Variants in MORN1 observed in about 807,000 individuals in gnomAD.
MORN1 encodes MORN repeat-containing protein 1.
A neutral mutation model predicts 61.9 loss-of-function variants in MORN1; 67 were observed. The ratio of observed to expected loss-of-function variants is 1.08; its 90% CI spans 0.89 to 1.33. MORN1 has a LOEUF of 1.33. Ranked by LOEUF, MORN1 falls within the 40% of genes most tolerant of loss-of-function variation. The probability of loss-of-function intolerance (pLI) is 0.00; values close to 1 mark genes in which losing one functional copy is unlikely to be tolerated. For synonymous variants in MORN1, 301 were observed against 292.0 expected (o/e 1.03, Z -0.31); for missense variants, 752 against 691.2 (o/e 1.09, Z -0.99).
chr1:2,330,376 G>A (rs1641123571), intron 12 of MORN1, among the ~76,000 whole-genome samples: 1 of 152,208 alleles, frequency 6.6e-6, no homozygotes, highest in Non-Finnish European at 1.5e-5. Context: ...TCACCTCTTT[G>A]TGGCAGACGA....
At chr1:2,388,068 G>A (rs866612582) in intron 3 of MORN1, 171 bp downstream of exon 3, 8 of 575,444 alleles carry the variant, frequency 1.4e-5, no homozygotes, top group South Asian at 4.4e-5. Flanking sequence ...TGCTCTCAGC[G>A]GTGACCACAG....
intron 7 of MORN1, among the ~76,000 whole-genome samples, chr1:2,373,460 A>G (rs1642166324): frequency 1.3e-5 from 2 of 152,008 alleles, no homozygotes; most frequent in Non-Finnish European, 2.9e-5. Context: ...CGTTTTTCCC[A>G]CCTAGAAATT....
chr1:2,353,833 G>T (rs1641702971), intron 10 of MORN1, among the ~76,000 whole-genome samples: 1 of 152,222 alleles, frequency 6.6e-6, no homozygotes. Context: ...CCACATGTTG[G>T]GGGCAGACTT....
At chr1:2,382,971 C>T (rs1196273673) in intron 6 of MORN1, among the ~76,000 whole-genome samples, 1 of 152,150 alleles carries the variant, frequency 6.6e-6, no homozygotes, top group Non-Finnish European at 1.5e-5. Context: ...CACCTCCCGC[C>T]TGACCACCCC....
chr1:2,366,333 G>A (rs1460320286), intron 8 of MORN1, among the ~76,000 whole-genome samples: 8 of 150,982 alleles, frequency 5.3e-5, no homozygotes, highest in Admixed American at 4.0e-4. Flanking sequence ...GTTGTGGGGT[G>A]GGGGGAGGTG....
In MORN1 at chr1:2,321,467, G is replaced by C; in HGVS notation, c.1410C>G (p.Pro470=). ...RVVAKRAGQP[P]HVLEEGPEAS... is the part of the protein sequence containing the mutation. Reference sequence around the variant, plus strand: ...CTTCAGGGCCTTCTTCCAGGACATGGGGTGGCTGGCCAGCCCTCTTCGCTA... The same window carrying C: ...CTTCAGGGCCTTCTTCCAGGACATGCGGTGGCTGGCCAGCCCTCTTCGCTA... Residue 470 remains proline (P), a synonymous_variant, in exon 14 of 14, where the codon CCC becomes CCG. Coordinates refer to ENST00000378531, the MANE Select transcript of MORN1 (RefSeq NM_024848.3). The C allele has an allele frequency of 6.5e-7, 1 of 1,537,558 alleles. No homozygotes were observed. Among genetic ancestry groups the C allele is most frequent in the South Asian group, 1.2e-5 (1 of 82,880 alleles).
At chr1:2,345,880 G>A (rs1003133663) in intron 10 of MORN1, among the ~76,000 whole-genome samples, 5 of 150,894 alleles carry the variant, frequency 3.3e-5, no homozygotes, top group African/African-American at 9.8e-5. Context: ...TCTCTATGAC[G>A]CACACCCCGA....
rs771927794 is a variant in MORN1 at position 2,372,466 on chromosome 1, C to A, written c.745+15G>T. 1.2e-5 allele frequency: 19 copies of A among 1,581,000 alleles called. No homozygotes were observed. The highest frequency in any genetic ancestry group is 4.4e-5 in the South Asian group (4 of 89,978). On this transcript the variant is annotated intron_variant, in intron 8 of 13. Coordinates refer to ENST00000378531, the MANE Select transcript of MORN1 (RefSeq NM_024848.3). The surrounding 1 kb of genome is among the most constrained non-coding windows in gnomAD (Gnocchi z 5.4). The stretch of plus-strand genomic sequence containing the variant: ...TTTTGGAAACGTTAGGTCATCTCCC[C>A]CTGGAGATGCTTACTCTTGGCAATT...
chr1:2,387,886 C>G (rs1276209939), intron 3 of MORN1: 1 of 425,520 alleles, frequency 2.4e-6, no homozygotes. Context: ...ACCGACCCCT[C>G]TGGCGTGAGG....
At chr1:2,331,266 C>G (rs1641142329) in intron 12 of MORN1, among the ~76,000 whole-genome samples, 1 of 152,152 alleles carries the variant, frequency 6.6e-6, no homozygotes, top group Non-Finnish European at 1.5e-5. Flanking sequence ...CACTCGGGAC[C>G]CCTCTCCTGG....
At chr1:2,329,949 C>T (rs1485188251) in intron 12 of MORN1, among the ~76,000 whole-genome samples, 1 of 152,136 alleles carries the variant, frequency 6.6e-6, no homozygotes, top group Non-Finnish European at 1.5e-5. Flanking sequence ...GACCAGCGTG[C>T]CCAGGAGAGG....
chr1:2,332,248 G>A, intron 12 of MORN1: 1 of 221,648 alleles, frequency 4.5e-6, no homozygotes, highest in Non-Finnish European at 9.1e-6. Flanking sequence ...GATGCTGAGA[G>A]GAGCTCCTGT....
chr1:2,365,349 T>C (rs1453590813), intron 8 of MORN1, among the ~76,000 whole-genome samples: 1 of 143,168 alleles, frequency 7.0e-6, no homozygotes, highest in Non-Finnish European at 1.5e-5. Context: ...CACTCATGAT[T>C]TGGCTGTTTG....
At chr1:2,383,257 C>T (rs1264385158) in intron 6 of MORN1, among the ~76,000 whole-genome samples, 1 of 152,208 alleles carries the variant, frequency 6.6e-6, no homozygotes, top group Admixed American at 6.5e-5. Flanking sequence ...AGTGTTTCTA[C>T]TTTAACTCCT....
intron 10 of MORN1, chr1:2,352,934 GT>G (rs1299384749): frequency 6.6e-6 from 1 of 152,418 alleles, no homozygotes; most frequent in African/African-American, 2.4e-5. Flanking sequence ...TGCAGGTGCG[GT>G]CTCTGCAGCC....
At chr1:2,391,314 A>C (rs1642656047) in intron 1 of MORN1, 144 bp downstream of exon 1, 1 of 946,740 alleles carries the variant, frequency 1.1e-6, no homozygotes, top group Non-Finnish European at 1.4e-6. Context: ...GGAGTGGGGG[A>C]CGCGGGGGCG....
chr1:2,330,023 G>A (rs61762085), intron 12 of MORN1, among the ~76,000 whole-genome samples: 6,928 of 152,254 alleles, frequency 0.046, 232 homozygotes, highest in South Asian at 0.067. Flanking sequence ...CTGTGCCCAT[G>A]GGAACTGCCT....
At position 2,385,822 on chromosome 1, in the gene MORN1, C is replaced by T; in HGVS notation, c.434G>A (p.Gly145Glu). 1.2e-6 allele frequency: 2 copies of T among 1,613,900 alleles called. No individual in the cohort carries two copies. Among genetic ancestry groups the T allele is most frequent in the East Asian group, 2.2e-5 (1 of 44,882 alleles). The change falls in exon 5 of 14, where the codon GGG (glycine) becomes GAG (glutamate). Residue 145 changes from glycine to glutamate, a missense_variant. By Grantham distance (98) the Gly-to-Glu change is moderately conservative. Transcript: ENST00000378531. ...SFHDNKRHGP[G>E]QMLFQNGDKY... is the part of the protein sequence containing the mutation. ...TCATACTCACTGAAAGAGCATCTGC[C>T]CAGGGCCGTGCCTCTTGTTGTCATG...
Position 2,388,088 on chromosome 1 carries a change from C to T in MORN1, c.247+151G>A, listed in dbSNP as rs1456233391. 13 of 611,668 alleles carry T rather than the reference C, an allele frequency of 2.1e-5. No individual in the cohort carries two copies. The East Asian group carries it at 3.6e-4, about 17-fold the overall frequency. The allele number at this position is 611,668 out of a possible 1,614,324, so 37.9% of individuals were successfully genotyped here. The stretch of plus-strand genomic sequence containing the variant: ...TCAGCGGTGACCACAGAGCCTCAGT[C>T]AGGTCCCCAGGGCTTCTCGGTAGGC... On this transcript the variant is annotated intron_variant, in intron 3 of 13. Transcript: ENST00000378531.
Sources: allele counts gnomAD v4.1 joint callset (sites outside exome capture counted in the v4.1 genomes callset), GRCh38; gene constraint gnomAD v4.1.1; non-coding constraint Gnocchi (gnomAD v3.1); transcripts MANE v1.5; gene names NCBI Gene and HGNC (gene_info 2026-07-23, HGNC 2026-07-21).